Variants in GSS observed in about 807,000 individuals in gnomAD.
GSS encodes the protein glutathione synthetase, also known as GSH synthetase.
GSS carries 34 observed loss-of-function variants against 60.4 expected under a neutral mutation model. The observed-to-expected ratio is 0.56, with a 90% CI of 0.43 to 0.75. GSS has a LOEUF of 0.75. Ranked by LOEUF, GSS falls within the 30% of genes least tolerant of loss-of-function variation. The pLI, the probability that GSS is intolerant of heterozygous loss-of-function variation, is 0.00. For synonymous variants in GSS, 224 were observed against 239.0 expected (o/e 0.94, Z 0.58); for missense variants, 499 against 595.1 (o/e 0.84, Z 1.68).
chr20:34,932,501 A>G (rs1235705748), intron 9 of GSS, among the ~76,000 whole-genome samples: 1 of 152,090 alleles, frequency 6.6e-6, no homozygotes, highest in Non-Finnish European at 1.5e-5. Context: ...CCTGACTCCT[A>G]GTCTCTGCCA....
chr20:34,928,496 C>T lies in GSS; in HGVS notation c.*332G>A. ...GAAAGGCTATGCCCCTCCACTCCCCCTCCTCCTACCACTCAGTCCTATCCC... is the reference window on the plus strand; with the variant it reads ...GAAAGGCTATGCCCCTCCACTCCCCTTCCTCCTACCACTCAGTCCTATCCC... On this transcript the variant is annotated 3_prime_UTR_variant, in exon 13 of 13. Coordinates refer to ENST00000651619, the MANE Select transcript of GSS (RefSeq NM_000178.4). 1 of 440,828 alleles carries T rather than the reference C, an allele frequency of 2.3e-6. No homozygotes were observed. The highest frequency in any genetic ancestry group is 4.2e-6 in the Non-Finnish European group (1 of 237,308). 27.3% of individuals were successfully genotyped at this position (440,828 alleles called of 1,614,324 possible).
chr20:34,944,945 T>C (rs1234958072), intron 3 of GSS, among the ~76,000 whole-genome samples: 1 of 152,134 alleles, frequency 6.6e-6, no homozygotes. Context: ...TATACACATC[T>C]AGCATGTATA....
chr20:34,933,695 C>T (rs1202840764), intron 9 of GSS: 1 of 152,276 alleles, frequency 6.6e-6, no homozygotes, highest in Non-Finnish European at 1.5e-5. Context: ...ACTAGTCTGG[C>T]ATTCCACGCA....
At chr20:34,943,812 G>T (rs2081502632) in intron 3 of GSS, among the ~76,000 whole-genome samples, 3 of 152,284 alleles carry the variant, frequency 2.0e-5, no homozygotes, top group South Asian at 4.1e-4. Context: ...GTCTATGCAG[G>T]CTCATCGTCA....
At chr20:34,941,131 C>T (rs1235082185) in intron 6 of GSS, among the ~76,000 whole-genome samples, 4 of 152,054 alleles carry the variant, frequency 2.6e-5, no homozygotes, top group Non-Finnish European at 4.4e-5. Context: ...CCAAGGTGGG[C>T]GGATCACGAG....
chr20:34,938,552 C>T (rs2081458542), intron 6 of GSS, among the ~76,000 whole-genome samples: 1 of 152,150 alleles, frequency 6.6e-6, no homozygotes, highest in African/African-American at 2.4e-5. Flanking sequence ...ACTTTGCAGC[C>T]TAAACTGTCC....
chr20:34,934,434 GC>G (rs1267133032), intron 9 of GSS, among the ~76,000 whole-genome samples: 2 of 151,674 alleles, frequency 1.3e-5, no homozygotes, highest in African/African-American at 4.8e-5. Context: ...ATGCCACCAC[GC>G]CCGGCTAATT....
At chr20:34,944,556 C>T (rs561289515) in intron 3 of GSS, among the ~76,000 whole-genome samples, 182 of 152,302 alleles carry the variant, frequency 1.2e-3, no homozygotes, top group African/African-American at 4.3e-3. Flanking sequence ...AGTCTAATTT[C>T]TGTTGAAAAA....
intron 6 of GSS, among the ~76,000 whole-genome samples, chr20:34,938,131 T>C (rs1040626472): frequency 1.3e-5 from 2 of 152,210 alleles, no homozygotes; most frequent in African/African-American, 2.4e-5. Context: ...GTGTTAGCAT[T>C]ACAGGTGTGA....
intron 5 of GSS, 77 bp from the exon 6 acceptor site, chr20:34,941,906 C>T (rs958773293): frequency 1.3e-6 from 1 of 798,776 alleles, no homozygotes; most frequent in African/African-American, 1.7e-5. Flanking sequence ...ATATATACAG[C>T]AACATGACTC....
At chr20:34,945,275 G>A (rs111751957) in intron 3 of GSS, among the ~76,000 whole-genome samples, 4 of 151,550 alleles carry the variant, frequency 2.6e-5, no homozygotes, top group Non-Finnish European at 4.4e-5. Context: ...CACCCACCTC[G>A]GCCTCCCAAA....
At chr20:34,942,863 G>A in intron 4 of GSS, 68 bp downstream of exon 4, 1 of 1,224,410 alleles carries the variant, frequency 8.2e-7, no homozygotes, top group Non-Finnish European at 1.2e-6. Flanking sequence ...AATTCTTCAA[G>A]CAAAACAGAA....
At chr20:34,938,490 C>T (rs2081458085) in intron 6 of GSS, among the ~76,000 whole-genome samples, 1 of 152,130 alleles carries the variant, frequency 6.6e-6, no homozygotes, top group Admixed American at 6.5e-5. Flanking sequence ...GTGGTGCTCT[C>T]ACAAGTCATC....
At chr20:34,951,375 G>A (rs2081566953) in intron 2 of GSS, 1 of 285,068 alleles carries the variant, frequency 3.5e-6, no homozygotes, top group African/African-American at 2.2e-5. Context: ...GAGTGATTAT[G>A]GGGTTTTCAG....
In GSS at chr20:34,952,135, G is replaced by A. The variant is rs529104701; in HGVS notation, c.-8-275C>T. Reference sequence around the variant, plus strand: ...CACAGTAAGGAAGCAGAGGCTTGGAGAGGTGAAATGACTTGCCCGAGGTGA... The same window carrying A: ...CACAGTAAGGAAGCAGAGGCTTGGAAAGGTGAAATGACTTGCCCGAGGTGA... On this transcript the variant is annotated intron_variant, in intron 1 of 12. Coordinates refer to ENST00000651619, the MANE Select transcript of GSS (RefSeq NM_000178.4). 6 of 469,122 alleles carry A rather than the reference G, an allele frequency of 1.3e-5. No individual in the cohort carries two copies. The East Asian group carries it at 2.1e-4, about 17-fold the overall frequency. The allele number at this position is 469,122 out of a possible 1,614,324, so 29.1% of individuals were successfully genotyped here. A position where few individuals can be genotyped will look rare whatever the true frequency, so the allele number is the denominator to read the frequency against.
chr20:34,954,526 C>A (rs191737061), intron 1 of GSS: 8 of 152,148 alleles, frequency 5.3e-5, no homozygotes, highest in African/African-American at 2.0e-4. Flanking sequence ...TGCACTCCAG[C>A]CTGGGCAACA....
At chr20:34,942,421 G>C in intron 5 of GSS, 67 bp downstream of exon 5, 1 of 1,456,890 alleles carries the variant, frequency 6.9e-7, no homozygotes, top group Non-Finnish European at 9.5e-7. Context: ...CCCTGGCCTA[G>C]CCAGTGACTG....
chr20:34,953,540 T>TCCCTTTCCCTTC (rs1332105360), intron 1 of GSS, among the ~76,000 whole-genome samples: 1 of 151,458 alleles, frequency 6.6e-6, no homozygotes, highest in East Asian at 1.9e-4. Context: ...CTTTTCCCTT[T>TCCCTTTCCCTTC]CCCTTTCCCT....
chr20:34,951,989 C>T (rs1000042628), intron 1 of GSS, 129 bp from the exon 2 acceptor site: 5 of 863,046 alleles, frequency 5.8e-6, no homozygotes, highest in African/African-American at 5.0e-5. Flanking sequence ...GCGTGGTATA[C>T]AGGAGTGAAC....
Sources: gnomAD v4.1 joint callset for allele counts (sites outside exome capture counted in the v4.1 genomes callset) on GRCh38, gnomAD v4.1.1 for gene constraint, MANE v1.5 for transcripts, NCBI Gene and HGNC (gene_info 2026-07-23, HGNC 2026-07-21) for gene names.